Variants in AGTPBP1 observed in about 807,000 individuals in gnomAD.
AGTPBP1 encodes the protein ATP/GTP binding carboxypeptidase 1, also known as cytosolic carboxypeptidase 1.
In AGTPBP1, 70 loss-of-function variants were observed where a neutral mutation model predicts 143.9. The ratio of observed to expected loss-of-function variants is 0.49; its 90% CI spans 0.40 to 0.59. The LOEUF is 0.59. Ranked by LOEUF, AGTPBP1 falls within the 20% of genes least tolerant of loss-of-function variation. AGTPBP1 has a pLI of 0.00. For missense variants in AGTPBP1, 1,229 were observed against 1,464.5 expected (o/e 0.84, Z 2.62); for synonymous variants, 463 against 500.2 (o/e 0.93, Z 0.99).
intron 2 of AGTPBP1, among the ~76,000 whole-genome samples, chr9:85,694,997 A>G (rs1564153895): frequency 6.6e-6 from 1 of 152,164 alleles, no homozygotes; most frequent in Non-Finnish European, 1.5e-5. Context: ...ACTTCTCTCC[A>G]TATCTACTAT....
intron 7 of AGTPBP1, 118 bp from the exon 8 acceptor site, chr9:85,669,696 T>A: frequency 1.7e-6 from 1 of 601,442 alleles, no homozygotes; most frequent in Non-Finnish European, 3.0e-6. Flanking sequence ...TCAACTCAAG[T>A]CACCTTAAAG....
chr9:85,754,735 TTTACA>T, the AGTPBP1 span, among the ~76,000 whole-genome samples: 3 of 152,200 alleles, frequency 2.0e-5, no homozygotes, highest in Admixed American at 1.3e-4. Context: ...CTTCATAAAT[TTTACA>T]TTACATTTTC....
chr9:85,627,312 C>G (rs1370183404), intron 14 of AGTPBP1, among the ~76,000 whole-genome samples: 1 of 152,122 alleles, frequency 6.6e-6, no homozygotes, highest in East Asian at 1.9e-4. Context: ...TTTCAGAGAG[C>G]ATCCTGCCCT....
chr9:85,588,199 A>C, intron 21 of AGTPBP1, 99 bp downstream of exon 21: 1 of 1,102,120 alleles, frequency 9.1e-7, no homozygotes, highest in Non-Finnish European at 1.2e-6. Flanking sequence ...TTCTAGAAAA[A>C]TCACTAAGTT....
At chr9:85,752,597 G>A in the AGTPBP1 span, among the ~76,000 whole-genome samples, 7 of 152,162 alleles carry the variant, frequency 4.6e-5, no homozygotes, top group Non-Finnish European at 1.0e-4. Flanking sequence ...GCCTCAGTAA[G>A]AGCTAACATT....
the AGTPBP1 span, chr9:85,792,353 A>G: frequency 6.6e-6 from 1 of 152,208 alleles, no homozygotes; most frequent in African/African-American, 2.4e-5. Flanking sequence ...ACTTTCTAGC[A>G]TGCTTTTTCT....
chr9:85,672,078 T>A (rs927704805), intron 7 of AGTPBP1, among the ~76,000 whole-genome samples: 1 of 152,122 alleles, frequency 6.6e-6, no homozygotes, highest in South Asian at 2.1e-4. Context: ...TAACCTTTTT[T>A]TTTTTTGGTT....
chr9:85,591,903 T>C (rs1828992055), intron 19 of AGTPBP1, among the ~76,000 whole-genome samples: 1 of 152,166 alleles, frequency 6.6e-6, no homozygotes, highest in African/African-American at 2.4e-5. Flanking sequence ...AGAATAAATC[T>C]ACCACAGTCG....
the AGTPBP1 span, among the ~76,000 whole-genome samples, chr9:85,784,832 G>C: frequency 2.0e-5 from 3 of 152,152 alleles, no homozygotes; most frequent in African/African-American, 7.2e-5. Flanking sequence ...CAGTGGCAAC[G>C]GTGTTCCAGC....
chr9:85,713,922 T>C (rs936707285), intron 1 of AGTPBP1, among the ~76,000 whole-genome samples: 1 of 152,206 alleles, frequency 6.6e-6, no homozygotes, highest in Non-Finnish European at 1.5e-5. Flanking sequence ...AAAATCACTA[T>C]ATATCCACAG....
intron 1 of AGTPBP1, among the ~76,000 whole-genome samples, chr9:85,718,570 C>A (rs987272175): frequency 2.6e-5 from 4 of 152,118 alleles, no homozygotes; most frequent in African/African-American, 9.7e-5. Context: ...TGAATATTAG[C>A]CCTTTGTCAG....
intron 25 of AGTPBP1, among the ~76,000 whole-genome samples, chr9:85,557,112 C>T (rs891247974): frequency 6.6e-6 from 1 of 152,094 alleles, no homozygotes; most frequent in Non-Finnish European, 1.5e-5. Context: ...AACTTTTTCT[C>T]CCAAGAGGCT....
chr9:85,647,745 G>A (rs890378340), intron 11 of AGTPBP1, among the ~76,000 whole-genome samples: 2 of 152,164 alleles, frequency 1.3e-5, no homozygotes, highest in African/African-American at 4.8e-5. Flanking sequence ...GTGGGTGAGT[G>A]TGGCTTCTAA....
chr9:85,664,319 C>A (rs190795161), intron 8 of AGTPBP1, among the ~76,000 whole-genome samples: 1 of 152,270 alleles, frequency 6.6e-6, no homozygotes, highest in Admixed American at 6.5e-5. Flanking sequence ...TCTTTGCCTT[C>A]ATAGGCCCCT....
the AGTPBP1 span, chr9:85,792,126 A>G: frequency 6.6e-6 from 1 of 152,330 alleles, no homozygotes; most frequent in Admixed American, 6.5e-5. Flanking sequence ...TGTCTACCGA[A>G]AAACCTGTGT....
At chr9:85,804,393 G>C in the AGTPBP1 span, among the ~76,000 whole-genome samples, 49,939 of 151,622 alleles carry the variant, frequency 0.33, 9,090 homozygotes, top group African/African-American at 0.46. Context: ...TTCATGCTGC[G>C]TTTCTTTCCT....
At chr9:85,604,990 C>A (rs1003038654) in intron 17 of AGTPBP1, among the ~76,000 whole-genome samples, 4 of 151,960 alleles carry the variant, frequency 2.6e-5, no homozygotes, top group African/African-American at 9.7e-5. Context: ...TCGAGGCATA[C>A]TTCAATATCC....
chr9:85,753,435 T>C, the AGTPBP1 span: 1 of 1,613,470 alleles, frequency 6.2e-7, no homozygotes, highest in Non-Finnish European at 8.5e-7. Context: ...TCAATTCTAT[T>C]TAGCGTTTCC....
chr9:85,575,241 T>A, intron 25 of AGTPBP1, 74 bp downstream of exon 25: 1 of 1,172,238 alleles, frequency 8.5e-7, no homozygotes. Flanking sequence ...AAAATTTCCA[T>A]GCCTTTTCTG....
Sources: allele counts gnomAD v4.1 joint callset (sites outside exome capture counted in the v4.1 genomes callset), GRCh38; gene constraint gnomAD v4.1.1; transcripts MANE v1.5; gene names NCBI Gene and HGNC (gene_info 2026-07-23, HGNC 2026-07-21).